Variants in CERT1 observed in about 807,000 individuals in gnomAD.
CERT1 encodes the protein ceramide transfer protein.
A neutral mutation model predicts 87.9 loss-of-function variants in CERT1; 31 were observed. That is an observed-to-expected ratio of 0.35 (90% CI 0.27 to 0.48). CERT1 has a LOEUF of 0.48. Ranked by LOEUF, CERT1 falls within the 20% of genes least tolerant of loss-of-function variation. CERT1 has a pLI of 0.99. For missense variants in CERT1, 487 were observed against 758.0 expected, an observed-to-expected ratio of 0.64 and a Z score of 4.20; for synonymous variants, 289 against 250.9, an observed-to-expected ratio of 1.15 and a Z score of -1.44.
chr5:75,497,321 T>C (rs1300608097), intron 2 of CERT1, among the ~76,000 whole-genome samples: 1 of 152,234 alleles, frequency 6.6e-6, no homozygotes, highest in African/African-American at 2.4e-5. Context: ...AGACTACTAC[T>C]ATGTGCCAAG....
intron 3 of CERT1, among the ~76,000 whole-genome samples, chr5:75,437,721 G>C (rs572735933): frequency 6.8e-6 from 1 of 146,908 alleles, no homozygotes; most frequent in Non-Finnish European, 1.5e-5. Flanking sequence ...AGCTGGGATT[G>C]TACCACTGCA....
rs757349878 is a variant in CERT1 at position 75,485,312 on chromosome 5, C to CAAAAAAA, written c.231+20663_231+20669dup. Among the ~76,000 whole-genome samples the CAAAAAAA allele has an allele frequency of 2.6e-3, 121 of 46,468 alleles. 1 individual carries two copies. Among genetic ancestry groups the CAAAAAAA allele is most frequent in the East Asian group, 9.6e-3 (16 of 1,674 alleles). 30.5% of individuals were successfully genotyped at this position (46,468 alleles called of 152,430 possible). The stretch of plus-strand genomic sequence containing the variant: ...CCAAGACACTGTCTACACAAAAATA[C>CAAAAAAA]AAAAAAAAAAAAAAAAAAAAAAAAA... On this transcript the variant is annotated intron_variant, in intron 2 of 16. Coordinates refer to ENST00000643780, the MANE Select transcript of CERT1 (RefSeq NM_001379029.1).
chr5:75,476,240 T>C (rs1765947956), intron 2 of CERT1, among the ~76,000 whole-genome samples: 1 of 152,156 alleles, frequency 6.6e-6, no homozygotes, highest in African/African-American at 2.4e-5. Flanking sequence ...AAAGAGGTTG[T>C]TTTCTTGATT....
rs773226573 is a variant in CERT1 at position 75,426,367 on chromosome 5, A to G, written c.456+4T>C. On this transcript the variant is annotated splice_donor_region_variant and intron_variant, in intron 4 of 16. Coordinates refer to ENST00000643780, the MANE Select transcript of CERT1 (RefSeq NM_001379029.1). ...TTAACTTAAGGCATCCATTAACTACACACCTTGAATGAAGAGGTGGATGTT... is the reference window on the plus strand; with the variant it reads ...TTAACTTAAGGCATCCATTAACTACGCACCTTGAATGAAGAGGTGGATGTT... The G allele has an allele frequency of 1.9e-6, 3 of 1,600,514 alleles. No individual in the cohort carries two copies. The highest frequency in any genetic ancestry group is 3.3e-5 in the Admixed American group (2 of 59,992).
upstream of CERT1, chr5:75,511,713 C>G (rs1768018115): frequency 6.5e-7 from 1 of 1,546,310 alleles, no homozygotes; most frequent in Admixed American, 2.0e-5. Flanking sequence ...CTCCCGGCGT[C>G]TGACGCGACA....
At chr5:75,405,159 T>A (rs1762652829) in intron 8 of CERT1, among the ~76,000 whole-genome samples, 1 of 152,210 alleles carries the variant, frequency 6.6e-6, no homozygotes, top group African/African-American at 2.4e-5. Flanking sequence ...AAAAACCCTT[T>A]TATCTCATCA....
chr5:75,454,216 C>T (rs374368897), intron 3 of CERT1, among the ~76,000 whole-genome samples: 6 of 152,030 alleles, frequency 3.9e-5, no homozygotes, highest in African/African-American at 1.2e-4. Flanking sequence ...TAACACATAC[C>T]GTAAACTATC....
chr5:75,504,047 TA>T (rs1767539697), intron 2 of CERT1, among the ~76,000 whole-genome samples: 2 of 151,824 alleles, frequency 1.3e-5, no homozygotes, highest in South Asian at 4.1e-4. Flanking sequence ...ATAATAAAGA[TA>T]AAATTTAATT....
chr5:75,422,216 A>G (rs539087840), intron 5 of CERT1, among the ~76,000 whole-genome samples: 1 of 152,228 alleles, frequency 6.6e-6, no homozygotes, highest in African/African-American at 2.4e-5. Context: ...TCAGCCAGAC[A>G]TCTATTTATT....
Position 75,379,564 on chromosome 5 carries a change from T to G in CERT1, c.1748-91A>C, listed in dbSNP as rs1214642521. ...ATTTGTTCCCTTGTTTTTAAAATAT[T>G]CCTCACATTGGACCAATTAGCATCT... On this transcript the variant is annotated intron_variant, in intron 16 of 16. Coordinates refer to ENST00000643780, the MANE Select transcript of CERT1 (RefSeq NM_001379029.1). 4.6e-5 allele frequency: 55 copies of G among 1,191,322 alleles called. 1 individual carries two copies. In the East Asian group the frequency reaches 1.3e-3, roughly 29 times the overall value. The allele number at this position is 1,191,322 out of a possible 1,614,324, so 73.8% of individuals were successfully genotyped here. A position where few individuals can be genotyped will look rare whatever the true frequency, so the allele number is the denominator to read the frequency against.
intron 3 of CERT1, among the ~76,000 whole-genome samples, chr5:75,453,287 T>C (rs1227142787): frequency 1.3e-5 from 2 of 152,174 alleles, no homozygotes; most frequent in African/African-American, 4.8e-5. Flanking sequence ...TGTTTTACAA[T>C]ACTGTAAATT....
chr5:75,436,409 C>A (rs1304382389), intron 3 of CERT1, among the ~76,000 whole-genome samples: 1 of 152,138 alleles, frequency 6.6e-6, no homozygotes, highest in Non-Finnish European at 1.5e-5. Flanking sequence ...AGGTCCTTTA[C>A]CTAAAATGGC....
chr5:75,503,915 A>AAATTAAACATTT (rs1218241625), intron 2 of CERT1, among the ~76,000 whole-genome samples: 1,646 of 145,742 alleles, frequency 0.011, no homozygotes, highest in Middle Eastern at 0.019. Context: ...TGTTTAATTT[A>AAATTAAACATTT]AAATTTTCTT....
intron 2 of CERT1, among the ~76,000 whole-genome samples, chr5:75,471,966 A>C (rs115366793): frequency 0.018 from 2,761 of 152,262 alleles, 81 homozygotes; most frequent in African/African-American, 0.061. Context: ...CAAAGAGCCA[A>C]AGGAATCTTA....
chr5:75,491,008 T>C (rs1432394133), intron 2 of CERT1, among the ~76,000 whole-genome samples: 3 of 152,182 alleles, frequency 2.0e-5, no homozygotes, highest in Non-Finnish European at 2.9e-5. Context: ...TGAGTTCTAT[T>C]TGGAGTGTAT....
At chr5:75,433,735 T>C (rs367568476) in intron 3 of CERT1, among the ~76,000 whole-genome samples, 1 of 152,154 alleles carries the variant, frequency 6.6e-6, no homozygotes. Context: ...TTGCCCAGTC[T>C]AGTCTCCAAC....
At chr5:75,454,894 G>A (rs532600298) in intron 3 of CERT1, among the ~76,000 whole-genome samples, 2 of 152,178 alleles carry the variant, frequency 1.3e-5, no homozygotes, top group East Asian at 3.9e-4. Context: ...TTTCTTGATC[G>A]GATTGTGACA....
At chr5:75,398,515 A>G (rs1377730669) in intron 11 of CERT1, among the ~76,000 whole-genome samples, 5 of 152,162 alleles carry the variant, frequency 3.3e-5, no homozygotes, top group Admixed American at 2.6e-4. Context: ...TCAGGTCTTT[A>G]ATATAAGATT....
At position 75,393,771 on chromosome 5, in the gene CERT1, C is replaced by G. The variant is rs1057042292; in HGVS notation, c.1189-4084G>C. Among the ~76,000 whole-genome samples, 3 of 151,034 alleles carry G rather than the reference C, an allele frequency of 2.0e-5. 1 individual carries two copies. In the South Asian group the frequency reaches 6.3e-4, roughly 32 times the overall value. ...ACGAGGTCAAGAGATAGAGACCATC[C>G]CGGCTAACACGGTGAACTCCCCTCT... On this transcript the variant is annotated intron_variant, in intron 11 of 16. Coordinates refer to ENST00000643780, the MANE Select transcript of CERT1 (RefSeq NM_001379029.1).
Sources: gnomAD v4.1 joint callset for allele counts (sites outside exome capture counted in the v4.1 genomes callset) on GRCh38, gnomAD v4.1.1 for gene constraint, MANE v1.5 for transcripts, NCBI Gene and HGNC (gene_info 2026-07-23, HGNC 2026-07-21) for gene names.